The following SQOR variants were observed in gnomAD, a reference collection of about 807,000 sequenced individuals.
SQOR encodes the protein sulfide quinone oxidoreductase.
In SQOR, 39 loss-of-function variants were observed where a neutral mutation model predicts 48.6. That is an observed-to-expected ratio of 0.80 (90% CI 0.62 to 1.05). The LOEUF (loss-of-function observed/expected upper bound fraction) is 1.05, where lower values mean the gene tolerates loss of function less well. Among genes scored for constraint, SQOR ranks in the 50% least tolerant of loss-of-function variants. SQOR has a pLI of 0.00. For missense variants in SQOR, 561 were observed against 559.9 expected, an observed-to-expected ratio of 1.00 and a Z score of -0.02; for synonymous variants, 220 against 206.2, an observed-to-expected ratio of 1.07 and a Z score of -0.57.
At chr15:45,676,636 A>AGAGGTAAGG (rs1890041350) in intron 6 of SQOR, among the ~76,000 whole-genome samples, 1 of 152,198 alleles carries the variant, frequency 6.6e-6, no homozygotes, top group South Asian at 2.1e-4. Flanking sequence ...GTTACTGTGT[A>AGAGGTAAGG]GAGGTAAGGG....
chr15:45,631,187 C>T (rs188816256), upstream of SQOR: 18 of 183,406 alleles, frequency 9.8e-5, no homozygotes, highest in East Asian at 2.3e-3. Flanking sequence ...AAGCGCCTTT[C>T]GCCTCCCTCC....
At chr15:45,670,015 C>T in intron 4 of SQOR, 34 bp downstream of exon 4, 1 of 1,596,528 alleles carries the variant, frequency 6.3e-7, no homozygotes, top group Non-Finnish European at 8.6e-7. Flanking sequence ...GTTACGCTGG[C>T]TTATCTATGC....
At chr15:45,686,937 G>C (rs938593473) in intron 7 of SQOR, among the ~76,000 whole-genome samples, 4 of 152,114 alleles carry the variant, frequency 2.6e-5, no homozygotes, top group African/African-American at 9.7e-5. Context: ...AGCCTCCTGA[G>C]TAGCTGGAAT....
upstream of SQOR, among the ~76,000 whole-genome samples, chr15:45,633,932 T>G (rs970043913): frequency 3.3e-5 from 5 of 151,268 alleles, no homozygotes; most frequent in African/African-American, 1.2e-4. Context: ...CCCAGCACTT[T>G]GGGAGGCCCA....
At chr15:45,653,420 A>G (rs1204220612) in intron 1 of SQOR, among the ~76,000 whole-genome samples, 1 of 152,178 alleles carries the variant, frequency 6.6e-6, no homozygotes, top group Non-Finnish European at 1.5e-5. Context: ...AGTATAAGGG[A>G]TACAGCTCAG....
intron 1 of SQOR, among the ~76,000 whole-genome samples, chr15:45,649,559 T>C (rs1425353585): frequency 6.6e-6 from 1 of 152,182 alleles, no homozygotes; most frequent in African/African-American, 2.4e-5. Context: ...CACTGCAACC[T>C]CCGCCTCCCT....
chr15:45,631,981 G>C (rs546100447), upstream of SQOR: 17 of 152,358 alleles, frequency 1.1e-4, no homozygotes, highest in African/African-American at 4.1e-4. Context: ...CAAGGACTCA[G>C]AGAATATCCA....
chr15:45,655,544 T>C (rs1257362436), intron 1 of SQOR, among the ~76,000 whole-genome samples: 1 of 152,160 alleles, frequency 6.6e-6, no homozygotes, highest in East Asian at 1.9e-4. Context: ...AAATGTACAG[T>C]GTATTAAAGA....
At chr15:45,690,916 C>T (rs1305854491) in intron 9 of SQOR, 57 bp from the exon 10 acceptor site, 2 of 1,488,546 alleles carry the variant, frequency 1.3e-6, no homozygotes, top group Middle Eastern at 1.7e-4. Flanking sequence ...ATCCTCCTGA[C>T]TGAAGTCGCC....
intron 7 of SQOR, among the ~76,000 whole-genome samples, chr15:45,687,152 C>T (rs1027175702): frequency 4.6e-5 from 7 of 151,788 alleles, no homozygotes; most frequent in African/African-American, 1.7e-4. Flanking sequence ...TCTGAGGTGG[C>T]GTCTCACTTT....
At chr15:45,653,550 G>A (rs1889536737) in intron 1 of SQOR, among the ~76,000 whole-genome samples, 1 of 152,300 alleles carries the variant, frequency 6.6e-6, no homozygotes, top group South Asian at 2.1e-4. Flanking sequence ...AGAAGCTCTT[G>A]TCTTGTTATA....
At chr15:45,646,597 C>T (rs1889344942) in intron 1 of SQOR, among the ~76,000 whole-genome samples, 1 of 152,128 alleles carries the variant, frequency 6.6e-6, no homozygotes, top group African/African-American at 2.4e-5. Flanking sequence ...TATGCCCAAA[C>T]CTTAACATTT....
chr15:45,650,991 C>T (rs553733131), intron 1 of SQOR, among the ~76,000 whole-genome samples: 16 of 152,226 alleles, frequency 1.1e-4, no homozygotes, highest in Non-Finnish European at 1.6e-4. Context: ...GAGCTGCCCC[C>T]GGGTCCCGCA....
At chr15:45,685,610 G>A (rs1018077737) in intron 7 of SQOR, among the ~76,000 whole-genome samples, 1 of 152,154 alleles carries the variant, frequency 6.6e-6, no homozygotes, top group African/African-American at 2.4e-5. Flanking sequence ...AAGCCTGGAC[G>A]TTGAGTGACT....
In SQOR at chr15:45,667,622, A is replaced by G. The variant is rs1595503555; in HGVS notation, c.406-2306A>G. The stretch of plus-strand genomic sequence containing the variant: ...GCTATGGAGGGTTTATTCTCTCTTA[A>G]TGATTTTTTCCCCATAATCTTAAGC... On this transcript the variant is annotated intron_variant, in intron 3 of 9. Coordinates refer to ENST00000260324, the MANE Select transcript of SQOR (RefSeq NM_021199.4). Among the ~76,000 whole-genome samples, 3 of 152,150 alleles carry G rather than the reference A, an allele frequency of 2.0e-5. No homozygotes were observed. The South Asian group carries it at 6.2e-4, about 32-fold the overall frequency.
At chr15:45,665,546 G>T (rs1293950913) in intron 3 of SQOR, among the ~76,000 whole-genome samples, 1 of 150,576 alleles carries the variant, frequency 6.6e-6, no homozygotes, top group East Asian at 1.9e-4. Flanking sequence ...CATTTCTTTA[G>T]CAAATATTAT....
rs777701080 is a variant in SQOR, at chr15:45,673,743, T to C, written c.596T>C (p.Val199Ala). The stretch of plus-strand genomic sequence containing the variant: ...ATCTTCACCTTCCCAAATACTCCAG[T>C]GAAGTGTGCTGGAGCCCCTCAGAAG... Reference protein sequence around the residue: ...NAIFTFPNTPVKCAGAPQKIM... With the variant: ...NAIFTFPNTPAKCAGAPQKIM... Residue 199 changes from valine (V) to alanine (A), a missense_variant, in exon 5 of 10, where the codon GTG becomes GCG. Coordinates refer to ENST00000260324, the MANE Select transcript of SQOR (RefSeq NM_021199.4). The C allele has an allele frequency of 8.1e-6, 13 of 1,614,036 alleles. No homozygotes were observed. Among genetic ancestry groups the C allele is most frequent in the Non-Finnish European group, 8.5e-7 (1 of 1,180,028 alleles).
At chr15:45,674,455 A>AG (rs200699782) in intron 5 of SQOR, among the ~76,000 whole-genome samples, 1 of 151,892 alleles carries the variant, frequency 6.6e-6, no homozygotes, top group Non-Finnish European at 1.5e-5. Flanking sequence ...AAAAAAAAAA[A>AG]GTCTACTGGA....
At chr15:45,687,166 C>A (rs559632296) in intron 7 of SQOR, among the ~76,000 whole-genome samples, 8 of 151,696 alleles carry the variant, frequency 5.3e-5, no homozygotes, top group Non-Finnish European at 1.2e-4. Context: ...TCACTTTATC[C>A]CCAAGGGTGG....
Sources: gnomAD v4.1 joint callset for allele counts (sites outside exome capture counted in the v4.1 genomes callset) on GRCh38, gnomAD v4.1.1 for gene constraint, MANE v1.5 for transcripts, NCBI Gene and HGNC (gene_info 2026-07-23, HGNC 2026-07-21) for gene names.